LBH: variants seen among roughly 807,000 people sequenced by gnomAD.
LBH encodes the protein protein LBH.
LBH carries 7 observed loss-of-function variants against 12.5 expected under a neutral mutation model. The ratio of observed to expected loss-of-function variants is 0.56; its 90% CI spans 0.32 to 1.05. The LOEUF (loss-of-function observed/expected upper bound fraction) is 1.05, where lower values mean the gene tolerates loss of function less well. Among genes scored for constraint, LBH ranks in the 50% least tolerant of loss-of-function variants. The probability of loss-of-function intolerance (pLI) is 0.04; values close to 1 mark genes in which losing one functional copy is unlikely to be tolerated. For synonymous variants in LBH, 51 were observed against 50.1 expected (o/e 1.02, Z -0.08); for missense variants, 119 against 138.9 (o/e 0.86, Z 0.72).
chr2:30,244,104 A>C (rs1677835405), intron 2 of LBH, among the ~76,000 whole-genome samples: 1 of 152,370 alleles, frequency 6.6e-6, no homozygotes, highest in Non-Finnish European at 1.5e-5. Context: ...GAGGAAACTA[A>C]GACATGTATG....
In LBH at chr2:30,259,838, T is replaced by G. The variant is rs1276608027; in HGVS notation, c.*2217T>G. ...CCTCTTTTTTTTTTTTTCAAGTAATTTGTGTGTATTTCTAACTGATTGTAT... is the reference window on the plus strand; with the variant it reads ...CCTCTTTTTTTTTTTTTCAAGTAATGTGTGTGTATTTCTAACTGATTGTAT... On this transcript the variant is annotated 3_prime_UTR_variant, in exon 3 of 3. Transcript: ENST00000395323. 1 of 152,236 alleles carries G rather than the reference T, an allele frequency of 6.6e-6. No individual in the cohort carries two copies. Among genetic ancestry groups the G allele is most frequent in the East Asian group, 1.9e-4 (1 of 5,172 alleles). The allele number at this position is 152,236 out of a possible 1,614,324, so 9.4% of individuals were successfully genotyped here.
At chr2:30,232,112 C>A in intron 1 of LBH, 1 of 1,543,174 alleles carries the variant, frequency 6.5e-7, no homozygotes, top group South Asian at 1.2e-5. Context: ...CCACTTGGCG[C>A]AGGGGGGCTC....
intron 2 of LBH, among the ~76,000 whole-genome samples, chr2:30,252,778 T>C (rs1461429432): frequency 6.6e-6 from 1 of 152,220 alleles, no homozygotes; most frequent in African/African-American, 2.4e-5. Flanking sequence ...AGCCATCAGC[T>C]TTGGCAGCCC....
intron 2 of LBH, 68 bp downstream of exon 2, chr2:30,234,575 C>A: frequency 8.4e-7 from 1 of 1,186,812 alleles, no homozygotes; most frequent in Non-Finnish European, 1.2e-6. Context: ...TGAGGACAGA[C>A]TTGGTTTTGC....
chr2:30,247,655 T>A (rs1677898416), intron 2 of LBH, among the ~76,000 whole-genome samples: 1 of 152,244 alleles, frequency 6.6e-6, no homozygotes, highest in Admixed American at 6.5e-5. Flanking sequence ...AAGACAGCTG[T>A]TGTACTTCCG....
intron 1 of LBH, 35 bp from the exon 2 acceptor site, chr2:30,234,370 G>A: frequency 6.6e-7 from 1 of 1,512,584 alleles, no homozygotes. Context: ...GAAAGCGCGT[G>A]TGTTTGTTGA....
intron 2 of LBH, among the ~76,000 whole-genome samples, chr2:30,246,546 G>A (rs1176202875): frequency 6.6e-6 from 1 of 152,160 alleles, no homozygotes; most frequent in African/African-American, 2.4e-5. Flanking sequence ...TTTAATGAGA[G>A]GAGAGGCATT....
chr2:30,249,514 TAGA>T (rs1041569424), intron 2 of LBH, among the ~76,000 whole-genome samples: 5 of 151,926 alleles, frequency 3.3e-5, no homozygotes, highest in East Asian at 1.9e-4. Flanking sequence ...AAGGAGGAGG[TAGA>T]AGAAGAGGAA....
intron 2 of LBH, among the ~76,000 whole-genome samples, chr2:30,239,376 C>T (rs1677746842): frequency 6.6e-6 from 1 of 152,158 alleles, no homozygotes; most frequent in South Asian, 2.1e-4. Flanking sequence ...CTGGGCATAA[C>T]GCATCCACTC....
At chr2:30,232,105 C>G in intron 1 of LBH, 1 of 1,540,408 alleles carries the variant, frequency 6.5e-7, no homozygotes. Context: ...GCGCGCCCCA[C>G]TTGGCGCAGG....
chr2:30,238,184 T>C (rs1348301972), intron 2 of LBH, among the ~76,000 whole-genome samples: 1 of 152,156 alleles, frequency 6.6e-6, no homozygotes, highest in African/African-American at 2.4e-5. Flanking sequence ...GTCTTGGGAA[T>C]TTGCCTGTGG....
chr2:30,247,956 C>T (rs1489918161), intron 2 of LBH, among the ~76,000 whole-genome samples: 1 of 152,134 alleles, frequency 6.6e-6, no homozygotes, highest in South Asian at 2.1e-4. Flanking sequence ...AAAAGGCAAA[C>T]GACATCTTAG....
chr2:30,255,289 G>A (rs1041498280), intron 2 of LBH, among the ~76,000 whole-genome samples: 1 of 143,104 alleles, frequency 7.0e-6, no homozygotes, highest in African/African-American at 2.4e-5. Flanking sequence ...AAAAGCCCAC[G>A]TGGCGCTCCT....
At chr2:30,247,029 C>T (rs1467544983) in intron 2 of LBH, among the ~76,000 whole-genome samples, 2 of 151,962 alleles carry the variant, frequency 1.3e-5, no homozygotes, top group Non-Finnish European at 2.9e-5. Context: ...CTATGTTGCC[C>T]AGGCTTGTCT....
intron 2 of LBH, among the ~76,000 whole-genome samples, chr2:30,254,097 C>T (rs138376562): frequency 5.3e-5 from 8 of 152,288 alleles, no homozygotes; most frequent in East Asian, 1.9e-4. Flanking sequence ...CAGTAGTCCC[C>T]GTTATCTCTG....
chr2:30,242,160 A>C (rs529686817), intron 2 of LBH, among the ~76,000 whole-genome samples: 1 of 152,244 alleles, frequency 6.6e-6, no homozygotes, highest in South Asian at 2.1e-4. Context: ...TAGCATAGAG[A>C]CTGTGGAATA....
At chr2:30,232,768 C>T (rs1365801388) in intron 1 of LBH, 2 of 152,394 alleles carry the variant, frequency 1.3e-5, no homozygotes, top group African/African-American at 4.8e-5. Context: ...GCCCCTACGT[C>T]AGACTCTTCA....
intron 1 of LBH, among the ~76,000 whole-genome samples, chr2:30,231,975 T>A (rs1677594531): frequency 6.7e-6 from 1 of 149,702 alleles, no homozygotes; most frequent in South Asian, 2.1e-4. Context: ...ACAAAGGACG[T>A]GAACTCGGAG....
rs149471395 is a variant in LBH at position 30,255,386 on chromosome 2, G to A, written c.130-2047G>A. Among the ~76,000 whole-genome samples the A allele has an allele frequency of 8.7e-4, 103 of 119,042 alleles. No homozygotes were observed. The East Asian group carries it at 0.016, about 19-fold the overall frequency. 78.1% of individuals were successfully genotyped at this position (119,042 alleles called of 152,430 possible). A position where few individuals can be genotyped will look rare whatever the true frequency, so the allele number is the denominator to read the frequency against. On this transcript the variant is annotated intron_variant, in intron 2 of 2. Coordinates refer to ENST00000395323, the MANE Select transcript of LBH (RefSeq NM_030915.4). ...GGTCAGGAAGACAGAGCCCAGAGTC[G>A]GGGTCCGTGTCCCCCTCTGCCTCCG...
Sources: allele counts gnomAD v4.1 joint callset (sites outside exome capture counted in the v4.1 genomes callset), GRCh38; gene constraint gnomAD v4.1.1; transcripts MANE v1.5; gene names NCBI Gene and HGNC (gene_info 2026-07-23, HGNC 2026-07-21).